Variants in PPP1R13B observed in about 807,000 individuals in gnomAD.
PPP1R13B encodes protein phosphatase 1 regulatory subunit 13B, also known as apoptosis-stimulating of p53 protein 1.
A neutral mutation model predicts 119.8 loss-of-function variants in PPP1R13B; 44 were observed. The ratio of observed to expected loss-of-function variants is 0.37; its 90% CI spans 0.29 to 0.47. The LOEUF is 0.47. PPP1R13B is among the 20% of genes least tolerant of loss of function. PPP1R13B has a pLI of 0.99. For missense variants in PPP1R13B, 1,227 were observed against 1,413.5 expected (o/e 0.87, Z 2.12); for synonymous variants, 542 against 561.5 (o/e 0.97, Z 0.49).
chr14:103,838,787 TAA>T (rs2086835338), intron 1 of PPP1R13B, among the ~76,000 whole-genome samples: 1 of 152,182 alleles, frequency 6.6e-6, no homozygotes, highest in Non-Finnish European at 1.5e-5. Flanking sequence ...ACCAACAATG[TAA>T]AGTTACTATT....
chr14:103,781,712 C>A (rs1420532859), intron 3 of PPP1R13B, among the ~76,000 whole-genome samples: 1 of 152,054 alleles, frequency 6.6e-6, no homozygotes, highest in African/African-American at 2.4e-5. Flanking sequence ...AGTGTAGTGG[C>A]GCGATCTCAG....
intron 1 of PPP1R13B, among the ~76,000 whole-genome samples, chr14:103,826,450 T>TA (rs2086544145): frequency 6.6e-6 from 1 of 152,154 alleles, no homozygotes; most frequent in Non-Finnish European, 1.5e-5. Context: ...TCTACTCAGG[T>TA]ATTACCATGA....
At chr14:103,769,611 C>T (rs918824142) in intron 4 of PPP1R13B, among the ~76,000 whole-genome samples, 2 of 152,114 alleles carry the variant, frequency 1.3e-5, no homozygotes, top group African/African-American at 2.4e-5. Flanking sequence ...ACAAACATCC[C>T]TAATGCAAAA....
chr14:103,847,716 C>A (rs937172356), upstream of PPP1R13B: 1 of 774,314 alleles, frequency 1.3e-6, no homozygotes, highest in South Asian at 5.8e-5. Context: ...CGGCTCCGCC[C>A]GCTACCCTCG....
At chr14:103,777,944 G>A (rs2085245983) in intron 4 of PPP1R13B, among the ~76,000 whole-genome samples, 1 of 148,370 alleles carries the variant, frequency 6.7e-6, no homozygotes, top group Non-Finnish European at 1.5e-5. Context: ...ACAGGCAGAT[G>A]CTACCACATC....
At chr14:103,801,874 C>T (rs912745683) in intron 1 of PPP1R13B, among the ~76,000 whole-genome samples, 3 of 152,176 alleles carry the variant, frequency 2.0e-5, no homozygotes, top group East Asian at 1.9e-4. Context: ...CATCATCCCT[C>T]TTCCCTGAGC....
intron 1 of PPP1R13B, among the ~76,000 whole-genome samples, chr14:103,828,330 C>G (rs2086596911): frequency 6.8e-6 from 1 of 147,872 alleles, no homozygotes. Context: ...GATCACACCA[C>G]TGCTCTCCAG....
At position 103,734,671 on chromosome 14, in the gene PPP1R13B, G is replaced by A. The variant is rs934937030; in HGVS notation, c.*483C>T. On this transcript the variant is annotated 3_prime_UTR_variant, in exon 17 of 17. Coordinates refer to ENST00000202556, the MANE Select transcript of PPP1R13B (RefSeq NM_015316.3). ...GTTTCCATACAGAGGCTCCTTTGGTGATGAAGGGAAGAAGGATCATGTGTG... is the reference window on the plus strand; with the variant it reads ...GTTTCCATACAGAGGCTCCTTTGGTAATGAAGGGAAGAAGGATCATGTGTG... The A allele has an allele frequency of 6.6e-6, 3 of 456,938 alleles. No individual in the cohort carries two copies. Among genetic ancestry groups the A allele is most frequent in the Non-Finnish European group, 8.8e-6 (2 of 227,056 alleles). The allele number at this position is 456,938 out of a possible 1,614,324, so 28.3% of individuals were successfully genotyped here.
intron 2 of PPP1R13B, among the ~76,000 whole-genome samples, chr14:103,786,988 G>A (rs940940696): frequency 4.0e-5 from 6 of 150,550 alleles, no homozygotes; most frequent in Admixed American, 2.0e-4. Context: ...GATTACGGGC[G>A]TGAGCCACCA....
intron 4 of PPP1R13B, among the ~76,000 whole-genome samples, chr14:103,776,892 C>T (rs1482939515): frequency 6.6e-6 from 1 of 151,516 alleles, no homozygotes; most frequent in Non-Finnish European, 1.5e-5. Flanking sequence ...AAAAGAAACT[C>T]AATCTCTAGT....
At chr14:103,800,562 G>A (rs955456880) in intron 1 of PPP1R13B, among the ~76,000 whole-genome samples, 3 of 151,536 alleles carry the variant, frequency 2.0e-5, no homozygotes, top group African/African-American at 7.3e-5. Flanking sequence ...GCTGAGGCAT[G>A]AGAATCACTT....
chr14:103,825,660 G>A (rs2086520796), intron 1 of PPP1R13B, among the ~76,000 whole-genome samples: 1 of 152,180 alleles, frequency 6.6e-6, no homozygotes, highest in Non-Finnish European at 1.5e-5. Context: ...GCAAAAGAAA[G>A]TTGGAAGCTA....
chr14:103,820,688 T>A (rs1180814539), intron 1 of PPP1R13B, among the ~76,000 whole-genome samples: 1 of 110,688 alleles, frequency 9.0e-6, no homozygotes, highest in African/African-American at 3.7e-5. Context: ...AGAGACAGGG[T>A]GGCCGCTCTA....
At chr14:103,795,771 AACAAT>A (rs1429020343) in intron 2 of PPP1R13B, among the ~76,000 whole-genome samples, 21 of 152,204 alleles carry the variant, frequency 1.4e-4, no homozygotes, top group Admixed American at 8.5e-4. Flanking sequence ...TCATTAGGCT[AACAAT>A]TGAGGGCCTG....
At chr14:103,801,166 A>G (rs908816233) in intron 1 of PPP1R13B, among the ~76,000 whole-genome samples, 2 of 152,118 alleles carry the variant, frequency 1.3e-5, no homozygotes, top group Non-Finnish European at 2.9e-5. Context: ...TTCATTTTCT[A>G]AAAGTCAAAT....
chr14:103,792,324 T>C (rs2085643463), intron 2 of PPP1R13B, among the ~76,000 whole-genome samples: 1 of 152,066 alleles, frequency 6.6e-6, no homozygotes, highest in South Asian at 2.1e-4. Flanking sequence ...ACTACAGGCA[T>C]GTGCCACCAC....
intron 7 of PPP1R13B, among the ~76,000 whole-genome samples, chr14:103,750,490 C>A (rs1430044215): frequency 6.6e-6 from 1 of 152,244 alleles, no homozygotes. Flanking sequence ...CTAGTACATA[C>A]ACACTTCCGT....
intron 1 of PPP1R13B, among the ~76,000 whole-genome samples, chr14:103,827,498 C>T (rs971107667): frequency 3.3e-5 from 5 of 151,866 alleles, no homozygotes; most frequent in Non-Finnish European, 5.9e-5. Context: ...TAGCACCAGA[C>T]TTCTCCTCTG....
chr14:103,782,969 T>A (rs2085371479), intron 3 of PPP1R13B, among the ~76,000 whole-genome samples: 1 of 151,958 alleles, frequency 6.6e-6, no homozygotes, highest in Middle Eastern at 3.2e-3. Flanking sequence ...CAAGCCTGGC[T>A]AATTTTTGTA....
Sources: allele counts gnomAD v4.1 joint callset (sites outside exome capture counted in the v4.1 genomes callset), GRCh38; gene constraint gnomAD v4.1.1; transcripts MANE v1.5; gene names NCBI Gene and HGNC (gene_info 2026-07-23, HGNC 2026-07-21).